CCDC77: variants seen among roughly 807,000 people sequenced by gnomAD.
The protein encoded by CCDC77 is coiled-coil domain containing 77, also known as coiled-coil domain-containing protein 77.
Under a neutral mutation model 66.8 loss-of-function variants are expected in CCDC77, and 56 were observed. The observed-to-expected ratio is 0.84, with a 90% CI of 0.68 to 1.05. The LOEUF (loss-of-function observed/expected upper bound fraction) is 1.05, where lower values mean the gene tolerates loss of function less well. CCDC77 is among the 50% of genes least tolerant of loss of function. The probability of loss-of-function intolerance (pLI) is 0.00; values close to 1 mark genes in which losing one functional copy is unlikely to be tolerated. For missense variants in CCDC77, 570 were observed against 576.8 expected (o/e 0.99, Z 0.12); for synonymous variants, 196 against 195.2 (o/e 1.00, Z -0.03).
In CCDC77 at chr12:431,915, T is replaced by A; in HGVS notation, c.633T>A (p.Ser211=). 6.2e-7 allele frequency: 1 copy of A among 1,612,436 alleles called. No individual in the cohort carries two copies. The highest frequency in any genetic ancestry group is 8.5e-7 in the Non-Finnish European group (1 of 1,179,102). ...CATCGAGAGAGAGAAAAGAAAGTTC[T>A]GAGCATTACCAAAGAGACATACAGA... ...RRPSRERKES[S]EHYQRDIQTL... Residue 211 remains serine (S), a synonymous_variant, in exon 8 of 13, where the codon TCT becomes TCA. Coordinates refer to ENST00000239830, the MANE Select transcript of CCDC77 (RefSeq NM_032358.4).
At chr12:433,830 G>C (rs1318931335) in intron 9 of CCDC77, among the ~76,000 whole-genome samples, 1 of 152,052 alleles carries the variant, frequency 6.6e-6, no homozygotes, top group Non-Finnish European at 1.5e-5. Context: ...CTAGAGACAT[G>C]TTATCATTTT....
intron 1 of CCDC77, among the ~76,000 whole-genome samples, chr12:394,313 G>T (rs1314226423): frequency 1.3e-5 from 2 of 152,170 alleles, no homozygotes; most frequent in African/African-American, 4.8e-5. Flanking sequence ...ACAGACAAAA[G>T]ACATATTTAA....
chr12:412,787 G>C (rs1945138197), intron 4 of CCDC77, among the ~76,000 whole-genome samples: 1 of 151,650 alleles, frequency 6.6e-6, no homozygotes, highest in African/African-American at 2.4e-5. Flanking sequence ...ATCCTTACTG[G>C]CTTTCCTCTC....
rs1158199952 is a variant in CCDC77 at position 438,361 on chromosome 12, A to G, written c.848A>G (p.Tyr283Cys). 3.1e-6 allele frequency: 5 copies of G among 1,613,432 alleles called. No homozygotes were observed. The highest frequency in any genetic ancestry group is 4.5e-5 in the East Asian group (2 of 44,882). The change falls in exon 10 of 13, where the codon TAT (tyrosine) becomes TGT (cysteine). Residue 283 changes from tyrosine (Y) to cysteine (C), a missense_variant. Transcript: ENST00000239830. ...CTTCACCACACCCAAGAACTGCTCT[A>G]TGAGAGCACCAAAGATTTTCTGCAA... Reference protein sequence around the residue: ...KNLHHTQELLYESTKDFLQLR... With the variant: ...KNLHHTQELLCESTKDFLQLR...
Position 438,358 on chromosome 12 carries a change from T to G in CCDC77, c.845T>G (p.Leu282Arg), listed in dbSNP as rs777407278. ...AGTCTTCACCACACCCAAGAACTGC[T>G]CTATGAGAGCACCAAAGATTTTCTG... ...TKNLHHTQEL[L>R]YESTKDFLQL... is the part of the protein sequence containing the mutation. The change falls in exon 10 of 13, where the codon CTC (leucine) becomes CGC (arginine). Residue 282 changes from leucine (L) to arginine (R), a missense_variant. By Grantham distance (102) the Leu-to-Arg change is moderately radical (BLOSUM62 -2). Coordinates refer to ENST00000239830, the MANE Select transcript of CCDC77 (RefSeq NM_032358.4). The G allele has an allele frequency of 2.5e-6, 4 of 1,613,816 alleles. No homozygotes were observed. The African/African-American group carries it at 5.3e-5, about 22-fold the overall frequency.
chr12:412,468 TA>T (rs1945132025), intron 4 of CCDC77, among the ~76,000 whole-genome samples: 1 of 152,246 alleles, frequency 6.6e-6, no homozygotes, highest in Non-Finnish European at 1.5e-5. Flanking sequence ...CAGGATTTCT[TA>T]ACCTCGGCAT....
At chr12:391,328 G>A (rs1015449526) in intron 1 of CCDC77, among the ~76,000 whole-genome samples, 2 of 152,054 alleles carry the variant, frequency 1.3e-5, no homozygotes. Flanking sequence ...GGTGGCAGGC[G>A]CCTGTAATCC....
chr12:395,631 C>T (rs2007537), intron 1 of CCDC77, among the ~76,000 whole-genome samples: 92,423 of 151,960 alleles, frequency 0.61, 29,871 homozygotes, highest in Non-Finnish European at 0.73. Context: ...TGCTGGCTCA[C>T]GCCTGTAATC....
intron 6 of CCDC77, among the ~76,000 whole-genome samples, chr12:430,208 G>A (rs1338055088): frequency 6.6e-6 from 1 of 151,916 alleles, no homozygotes; most frequent in Non-Finnish European, 1.5e-5. Context: ...GGTTAGGCTG[G>A]TCTTGAACTC....
intron 4 of CCDC77, among the ~76,000 whole-genome samples, chr12:413,460 C>T (rs556557868): frequency 4.7e-4 from 71 of 151,816 alleles, no homozygotes; most frequent in African/African-American, 1.6e-3. Context: ...AGGATGGTCT[C>T]GATCGCCTGA....
chr12:419,187 A>C (rs1254937848), intron 5 of CCDC77, among the ~76,000 whole-genome samples: 2 of 152,208 alleles, frequency 1.3e-5, no homozygotes, highest in East Asian at 1.9e-4. Flanking sequence ...CAGAAGCCTT[A>C]ACCAACCCCC....
intron 4 of CCDC77, among the ~76,000 whole-genome samples, chr12:417,419 A>G (rs1384601452): frequency 6.6e-6 from 1 of 151,962 alleles, no homozygotes. Context: ...GATTTCCCAA[A>G]CAGATCTCAG....
At chr12:403,773 T>C (rs2137534031) in intron 1 of CCDC77, among the ~76,000 whole-genome samples, 1 of 152,292 alleles carries the variant, frequency 6.6e-6, no homozygotes, top group East Asian at 1.9e-4. Flanking sequence ...ATTACAGGCA[T>C]GAGCCACTGT....
At chr12:439,042 C>T (rs563932491) in intron 10 of CCDC77, among the ~76,000 whole-genome samples, 1 of 151,458 alleles carries the variant, frequency 6.6e-6, no homozygotes, top group South Asian at 2.1e-4. Flanking sequence ...TGTGCCACTG[C>T]ACTCCAGCCC....
In CCDC77 at chr12:440,739, C is replaced by T. The variant is rs1402669619; in HGVS notation, c.1164C>T (p.Phe388=). Residue 388 remains phenylalanine, a synonymous_variant, in exon 11 of 13, where the codon TTC becomes TTT. Coordinates refer to ENST00000239830, the MANE Select transcript of CCDC77 (RefSeq NM_032358.4). ...REEEGMRREI[F]KDRTNKMGKR... is the part of the protein sequence containing the mutation. ...AAGAGGGAATGAGGAGAGAGATCTT[C>T]AAGGTACGAAATTATCTGCCACTTG... The T allele has an allele frequency of 6.2e-7, 1 of 1,613,972 alleles. No homozygotes were observed. The highest frequency in any genetic ancestry group is 8.5e-7 in the Non-Finnish European group (1 of 1,180,026).
intron 4 of CCDC77, among the ~76,000 whole-genome samples, chr12:415,360 T>G (rs1476270903): frequency 8.9e-6 from 1 of 112,242 alleles, no homozygotes; most frequent in African/African-American, 3.4e-5. Flanking sequence ...AACATAATAT[T>G]ATGTTAATAT....
chr12:433,495 C>T (rs1253302316), intron 9 of CCDC77, 173 bp downstream of exon 9: 23 of 1,394,010 alleles, frequency 1.6e-5, no homozygotes, highest in Middle Eastern at 2.6e-4. Flanking sequence ...CTTTTCCAGG[C>T]GTGCTGTTGA....
chr12:432,098 T>G (rs1752095847), intron 8 of CCDC77, 144 bp downstream of exon 8: 2 of 569,868 alleles, frequency 3.5e-6, no homozygotes, highest in African/African-American at 3.8e-5. Flanking sequence ...TTGAGATTGT[T>G]CCTAATTTCT....
At chr12:422,094 G>A (rs1220660819) in intron 5 of CCDC77, among the ~76,000 whole-genome samples, 9 of 49,604 alleles carry the variant, frequency 1.8e-4, no homozygotes, top group Non-Finnish European at 3.3e-4. Context: ...GCTCTTCTGT[G>A]TGTGTGTGCT....
Sources: allele counts gnomAD v4.1 joint callset (sites outside exome capture counted in the v4.1 genomes callset), GRCh38; gene constraint gnomAD v4.1.1; transcripts MANE v1.5; gene names NCBI Gene and HGNC (gene_info 2026-07-23, HGNC 2026-07-21).